LRP1B: variants seen among roughly 807,000 people sequenced by gnomAD.
The protein encoded by LRP1B is LDL receptor related protein 1B, also known as low-density lipoprotein receptor-related protein 1B.
A neutral mutation model predicts 556.6 loss-of-function variants in LRP1B; 217 were observed. The ratio of observed to expected loss-of-function variants is 0.39; its 90% confidence interval spans 0.35 to 0.44. The LOEUF (loss-of-function observed/expected upper bound fraction) is 0.44. LRP1B is among the 20% of genes least tolerant of loss of function. The pLI is 1.00. For synonymous variants in LRP1B, 2,047 were observed against 1,865.8 expected (o/e 1.10, Z -2.50); for missense variants, 5,053 against 5,620.8 (o/e 0.90, Z 3.23).
chr2:141,713,126 G>T (rs1183233344), intron 2 of LRP1B, among the ~76,000 whole-genome samples: 2 of 147,446 alleles, frequency 1.4e-5, no homozygotes, highest in Admixed American at 6.8e-5. Context: ...CTCTGTCAGT[G>T]GTCTACCCAC....
intron 3 of LRP1B, among the ~76,000 whole-genome samples, chr2:141,416,209 G>A (rs528819185): frequency 6.9e-4 from 105 of 152,238 alleles, no homozygotes; most frequent in African/African-American, 2.4e-3. Context: ...TTCTCCTAGC[G>A]ACAGAGTAGA....
intron 20 of LRP1B, among the ~76,000 whole-genome samples, chr2:140,931,486 A>C (rs1684997252): frequency 6.6e-6 from 1 of 152,162 alleles, no homozygotes; most frequent in Non-Finnish European, 1.5e-5. Context: ...TAAGTGAAAA[A>C]AAAAATACAA....
At chr2:140,256,629 C>T (rs760343728) in intron 86 of LRP1B, among the ~76,000 whole-genome samples, 8 of 150,968 alleles carry the variant, frequency 5.3e-5, no homozygotes, top group African/African-American at 1.7e-4. Context: ...CCACCAAGCC[C>T]GGCTAATTTT....
chr2:140,931,851 G>C (rs1234612347), intron 20 of LRP1B, among the ~76,000 whole-genome samples: 1 of 152,000 alleles, frequency 6.6e-6, no homozygotes, highest in East Asian at 1.9e-4. Flanking sequence ...CGCTGAATTG[G>C]CTATGTAAAG....
At chr2:141,322,231 A>G (rs1465599845) in intron 3 of LRP1B, among the ~76,000 whole-genome samples, 1 of 152,092 alleles carries the variant, frequency 6.6e-6, no homozygotes, top group African/African-American at 2.4e-5. Context: ...ACTCCTCTTT[A>G]AGCAAGACAA....
intron 43 of LRP1B, among the ~76,000 whole-genome samples, chr2:140,574,463 G>C (rs1681442522): frequency 6.6e-6 from 1 of 151,932 alleles, no homozygotes; most frequent in South Asian, 2.1e-4. Flanking sequence ...ATTTGCTCAG[G>C]GAAAAAAATA....
At chr2:140,449,867 C>T (rs1686814979) in intron 63 of LRP1B, among the ~76,000 whole-genome samples, 1 of 152,060 alleles carries the variant, frequency 6.6e-6, no homozygotes, top group African/African-American at 2.4e-5. Flanking sequence ...TGATTGACTA[C>T]GAGCATCTTC....
intron 3 of LRP1B, among the ~76,000 whole-genome samples, chr2:141,256,858 A>C (rs190756377): frequency 1.4e-4 from 21 of 152,090 alleles, no homozygotes; most frequent in African/African-American, 5.1e-4. Context: ...ACAAGCATAA[A>C]GTCGGTCATT....
Position 140,239,851 on chromosome 2 carries a change from C to T in LRP1B, c.13325-319G>A, listed in dbSNP as rs80155747. 8.4e-3 allele frequency among the ~76,000 whole-genome samples: 1,267 copies of T among 150,946 alleles called. 60 individuals carry two copies. In the East Asian group the frequency reaches 0.14, roughly 16 times the overall value. On this transcript the variant is annotated intron_variant, in intron 87 of 90. Coordinates refer to ENST00000389484, the MANE Select transcript of LRP1B (RefSeq NM_018557.3). ...CATTTACTAGCAATGATGCAAGTAC[C>T]TGCTAGTACCTCTTTTTAAATCAAC...
chr2:140,760,062 A>T (rs1179188253), intron 35 of LRP1B, among the ~76,000 whole-genome samples: 4 of 152,162 alleles, frequency 2.6e-5, no homozygotes, highest in African/African-American at 9.6e-5. Context: ...TTGTTGAAGG[A>T]CTCTTCTGGA....
At chr2:140,742,006 C>T (rs1361003895) in intron 35 of LRP1B, among the ~76,000 whole-genome samples, 2 of 152,098 alleles carry the variant, frequency 1.3e-5, no homozygotes, top group Admixed American at 6.6e-5. Context: ...TTACTTAATC[C>T]GTTCATGGCT....
At chr2:142,049,297 A>G (rs1298339710) in intron 1 of LRP1B, among the ~76,000 whole-genome samples, 1 of 152,096 alleles carries the variant, frequency 6.6e-6, no homozygotes, top group Non-Finnish European at 1.5e-5. Flanking sequence ...AAATAAAAGC[A>G]CACATCATAT....
chr2:141,281,062 GC>G (rs1423971475), intron 3 of LRP1B, among the ~76,000 whole-genome samples: 6 of 151,910 alleles, frequency 3.9e-5, no homozygotes, highest in Middle Eastern at 3.4e-3. Flanking sequence ...AATACTGTTT[GC>G]TTTTCCTGGT....
chr2:140,543,957 A>G (rs1373525922), intron 43 of LRP1B, among the ~76,000 whole-genome samples: 5 of 152,078 alleles, frequency 3.3e-5, no homozygotes, highest in African/African-American at 1.2e-4. Context: ...TTTAAATATG[A>G]AAACATGTAC....
chr2:142,006,741 CAT>C (rs1702815328), intron 1 of LRP1B, among the ~76,000 whole-genome samples: 1 of 151,964 alleles, frequency 6.6e-6, no homozygotes, highest in Admixed American at 6.6e-5. Context: ...TGTTTTAAAA[CAT>C]AGAAAGACTG....
At chr2:141,345,751 C>T (rs1429757734) in intron 3 of LRP1B, among the ~76,000 whole-genome samples, 1 of 151,328 alleles carries the variant, frequency 6.6e-6, no homozygotes, top group Non-Finnish European at 1.5e-5. Context: ...GTGATCCTCT[C>T]ACCTTGGCCT....
chr2:141,231,482 G>C (rs562621269), intron 5 of LRP1B, among the ~76,000 whole-genome samples: 1 of 152,170 alleles, frequency 6.6e-6, no homozygotes. Flanking sequence ...AAAAGACACA[G>C]GGTTTTATTT....
intron 1 of LRP1B, among the ~76,000 whole-genome samples, chr2:142,015,991 CAAAAAA>C (rs70994471): frequency 1.3e-4 from 5 of 38,790 alleles, no homozygotes; most frequent in Non-Finnish European, 2.1e-4. Flanking sequence ...GACTCCATCT[CAAAAAA>C]AAAAAAAAAA....
Position 140,279,539 on chromosome 2 carries a change from A to G in LRP1B, c.12968-4941T>C, listed in dbSNP as rs1682826962. Among the ~76,000 whole-genome samples the G allele has an allele frequency of 2.0e-5, 3 of 152,002 alleles. No homozygotes were observed. The South Asian group carries it at 6.2e-4, about 31-fold the overall frequency. ...TATAAATATGTGCCATATTTTCATCAGTGTCACCTCTCTATATACTCTCAC... is the reference window on the plus strand; with the variant it reads ...TATAAATATGTGCCATATTTTCATCGGTGTCACCTCTCTATATACTCTCAC... On this transcript the variant is annotated intron_variant, in intron 84 of 90. Transcript: ENST00000389484.
Sources: allele counts gnomAD v4.1 joint callset (sites outside exome capture counted in the v4.1 genomes callset), GRCh38; gene constraint gnomAD v4.1.1; transcripts MANE v1.5; gene names NCBI Gene and HGNC (gene_info 2026-07-23, HGNC 2026-07-21).